The following KIAA1328 variants were observed in gnomAD, a reference collection of about 807,000 sequenced individuals.
KIAA1328 encodes the protein protein hinderin.
KIAA1328 carries 52 observed loss-of-function variants against 68.1 expected under a neutral mutation model. The ratio of observed to expected loss-of-function variants is 0.76; its 90% CI spans 0.61 to 0.96. The LOEUF (loss-of-function observed/expected upper bound fraction) is 0.96, where lower values mean the gene tolerates loss of function less well. Among genes scored for constraint, KIAA1328 ranks in the 40% least tolerant of loss-of-function variants. The pLI, the probability that KIAA1328 is intolerant of heterozygous loss-of-function variation, is 0.00. For missense variants in KIAA1328, 641 were observed against 677.6 expected (o/e 0.95, Z 0.60); for synonymous variants, 232 against 239.4 (o/e 0.97, Z 0.28).
chr18:36,856,084 C>G (rs1810774634), intron 4 of KIAA1328, among the ~76,000 whole-genome samples: 1 of 151,614 alleles, frequency 6.6e-6, no homozygotes, highest in South Asian at 2.1e-4. Flanking sequence ...TATGACGAAT[C>G]ATTTCCCTCT....
chr18:36,904,553 A>G (rs1371354330), intron 5 of KIAA1328, among the ~76,000 whole-genome samples: 2 of 152,108 alleles, frequency 1.3e-5, no homozygotes, highest in Non-Finnish European at 2.9e-5. Context: ...CTAGCTTCTG[A>G]TCAGTGTTAT....
At chr18:36,862,640 A>G (rs1459382121) in intron 4 of KIAA1328, among the ~76,000 whole-genome samples, 1 of 152,206 alleles carries the variant, frequency 6.6e-6, no homozygotes, top group Non-Finnish European at 1.5e-5. Context: ...CCAGTGTTAT[A>G]AATGAAGCTG....
At chr18:37,089,617 C>T (rs769197816) in intron 7 of KIAA1328, among the ~76,000 whole-genome samples, 15 of 152,226 alleles carry the variant, frequency 9.9e-5, no homozygotes, top group Admixed American at 4.6e-4. Flanking sequence ...TCAGGTGATG[C>T]ACCTGCCTTG....
chr18:37,078,093 A>G lies in KIAA1328; in HGVS notation c.1232+10548A>G, dbSNP rs185049588. 4.6e-5 allele frequency among the ~76,000 whole-genome samples: 7 copies of G among 152,382 alleles called. No homozygotes were observed. In the East Asian group the frequency reaches 1.3e-3, roughly 29 times the overall value. On this transcript the variant is annotated intron_variant, in intron 7 of 9. Coordinates refer to ENST00000280020, the MANE Select transcript of KIAA1328 (RefSeq NM_020776.3). ...ACTTCAAAGTATACTACAAGGCTGC[A>G]GTAACCAAAACAGCATGGTACTGGT...
intron 5 of KIAA1328, among the ~76,000 whole-genome samples, chr18:36,936,025 A>G (rs2050486569): frequency 6.6e-6 from 1 of 152,246 alleles, no homozygotes; most frequent in South Asian, 2.1e-4. Context: ...ATATACAACT[A>G]GGGAAGAAAA....
chr18:36,859,073 T>A (rs1239877190), intron 4 of KIAA1328, among the ~76,000 whole-genome samples: 1 of 152,190 alleles, frequency 6.6e-6, no homozygotes, highest in Non-Finnish European at 1.5e-5. Flanking sequence ...TATGTTTTTA[T>A]GATATGTTGC....
intron 7 of KIAA1328, among the ~76,000 whole-genome samples, chr18:37,153,521 T>C (rs1390842722): frequency 6.6e-6 from 1 of 152,084 alleles, no homozygotes; most frequent in Non-Finnish European, 1.5e-5. Flanking sequence ...CGCATGTTTT[T>C]CCCTCTATAT....
chr18:36,867,947 T>C (rs1464148407), intron 4 of KIAA1328, among the ~76,000 whole-genome samples: 1 of 152,230 alleles, frequency 6.6e-6, no homozygotes, highest in Non-Finnish European at 1.5e-5. Flanking sequence ...TGGTTCATAA[T>C]TAAATTTAAC....
At chr18:36,987,485 T>TA (rs536681918) in intron 6 of KIAA1328, among the ~76,000 whole-genome samples, 19,572 of 105,116 alleles carry the variant, frequency 0.19, 1,628 homozygotes, top group Admixed American at 0.28. Context: ...TAGAGTATAA[T>TA]AAAAAAAAAT....
In KIAA1328 at chr18:37,127,596, A is replaced by T. The variant is rs11873059; in HGVS notation, c.1233-32604A>T. Among the ~76,000 whole-genome samples, 753 of 152,282 alleles carry T rather than the reference A, an allele frequency of 4.9e-3. 6 individuals are homozygous for T. The highest frequency in any genetic ancestry group is 0.017 in the African/African-American group (711 of 41,564). On this transcript the variant is annotated intron_variant, in intron 7 of 9. Transcript: ENST00000280020. ...AAATTTAAAAAGAACCCCTGAATAA[A>T]TGGAGAGCAATGCCGGGTTCATGAA...
chr18:37,031,034 A>T (rs2054806837), intron 6 of KIAA1328, among the ~76,000 whole-genome samples: 1 of 152,186 alleles, frequency 6.6e-6, no homozygotes, highest in South Asian at 2.1e-4. Flanking sequence ...ATGGCTGCAT[A>T]GTATTCCATG....
intron 9 of KIAA1328, among the ~76,000 whole-genome samples, chr18:37,198,103 A>T (rs571270868): frequency 3.5e-4 from 54 of 152,254 alleles, no homozygotes; most frequent in African/African-American, 1.2e-3. Flanking sequence ...ATAGTATATG[A>T]TTTTATTTAT....
At chr18:37,114,214 C>A (rs548862674) in intron 7 of KIAA1328, among the ~76,000 whole-genome samples, 1 of 152,224 alleles carries the variant, frequency 6.6e-6, no homozygotes, top group Non-Finnish European at 1.5e-5. Context: ...ACATTCTTCT[C>A]AGCACCACGT....
intron 8 of KIAA1328, among the ~76,000 whole-genome samples, chr18:37,167,635 T>A (rs1226276237): frequency 1.3e-5 from 2 of 152,122 alleles, no homozygotes; most frequent in Admixed American, 6.5e-5. Flanking sequence ...GATGTCCAGC[T>A]GCTTGTGTGC....
At chr18:37,045,801 A>G (rs959332265) in intron 6 of KIAA1328, among the ~76,000 whole-genome samples, 4 of 152,204 alleles carry the variant, frequency 2.6e-5, no homozygotes, top group Non-Finnish European at 5.9e-5. Context: ...GTATTTTCTT[A>G]CATTCCAAAG....
intron 6 of KIAA1328, among the ~76,000 whole-genome samples, chr18:36,960,313 C>G (rs2051606589): frequency 6.6e-6 from 1 of 152,212 alleles, no homozygotes; most frequent in South Asian, 2.1e-4. Context: ...GAAGCTCGAA[C>G]TGGATGGAGC....
chr18:36,918,178 T>C (rs753495049), intron 5 of KIAA1328, among the ~76,000 whole-genome samples: 8 of 152,110 alleles, frequency 5.3e-5, no homozygotes, highest in Non-Finnish European at 1.0e-4. Flanking sequence ...CCCCCTTTTT[T>C]GTATCCAATC....
At chr18:37,022,002 C>T (rs966149810) in intron 6 of KIAA1328, among the ~76,000 whole-genome samples, 5 of 151,828 alleles carry the variant, frequency 3.3e-5, no homozygotes, top group African/African-American at 4.8e-5. Flanking sequence ...ATCGTGCCAC[C>T]GCACTCCTGC....
chr18:36,867,981 G>A (rs1337342078), intron 4 of KIAA1328, among the ~76,000 whole-genome samples: 2 of 152,172 alleles, frequency 1.3e-5, no homozygotes, highest in Admixed American at 6.5e-5. Context: ...AGCCATTTGC[G>A]CCACTTGACA....
Sources: allele counts gnomAD v4.1 joint callset (sites outside exome capture counted in the v4.1 genomes callset), GRCh38; gene constraint gnomAD v4.1.1; transcripts MANE v1.5; gene names NCBI Gene and HGNC (gene_info 2026-07-23, HGNC 2026-07-21).